QTMAN: variants seen among roughly 807,000 people sequenced by gnomAD.
The protein encoded by QTMAN is tRNA-queuosine alpha-mannosyltransferase.
At chr2:144,165,826 C>G in the QTMAN span, among the ~76,000 whole-genome samples, 1 of 152,176 alleles carries the variant, frequency 6.6e-6, no homozygotes, top group African/African-American at 2.4e-5. Context: ...TTAATGAATC[C>G]TGTGCACTTT....
chr2:144,194,756 A>C, the QTMAN span, among the ~76,000 whole-genome samples: 1 of 152,236 alleles, frequency 6.6e-6, no homozygotes, highest in Non-Finnish European at 1.5e-5. Flanking sequence ...AGAAATGTAG[A>C]TAAATGTTGA....
At chr2:144,044,274 T>C in the QTMAN span, among the ~76,000 whole-genome samples, 1 of 152,226 alleles carries the variant, frequency 6.6e-6, no homozygotes, top group Admixed American at 6.5e-5. Context: ...ACATAAGATA[T>C]GTGATTTTGC....
chr2:144,022,566 T>C, the QTMAN span, among the ~76,000 whole-genome samples: 9 of 142,820 alleles, frequency 6.3e-5, no homozygotes, highest in East Asian at 1.8e-3. Context: ...CTCTCTTTTT[T>C]TTTTTTTTTT....
At chr2:144,096,091 T>C in the QTMAN span, among the ~76,000 whole-genome samples, 2 of 152,238 alleles carry the variant, frequency 1.3e-5, no homozygotes, top group Admixed American at 6.5e-5. Flanking sequence ...TCCATTATTA[T>C]AGATGTTTGT....
At chr2:144,087,152 C>G in the QTMAN span, among the ~76,000 whole-genome samples, 1 of 151,908 alleles carries the variant, frequency 6.6e-6, no homozygotes, top group Admixed American at 6.6e-5. Flanking sequence ...TCATTATAAC[C>G]TCAAATGCAA....
chr2:144,275,930 C>T, the QTMAN span, among the ~76,000 whole-genome samples: 1 of 152,168 alleles, frequency 6.6e-6, no homozygotes, highest in Non-Finnish European at 1.5e-5. Context: ...CTAACTATAA[C>T]AGGGATTCTC....
the QTMAN span, among the ~76,000 whole-genome samples, chr2:144,044,857 T>G: frequency 6.6e-6 from 1 of 152,186 alleles, no homozygotes; most frequent in African/African-American, 2.4e-5. Context: ...TGTGGAAGTA[T>G]GTGGTGGTTG....
the QTMAN span, among the ~76,000 whole-genome samples, chr2:144,058,191 C>T: frequency 5.2e-5 from 7 of 134,748 alleles, no homozygotes; most frequent in Non-Finnish European, 9.2e-5. Context: ...TGGAGATGTG[C>T]TTTCTCTCTT....
chr2:144,136,119 A>G, the QTMAN span, among the ~76,000 whole-genome samples: 1 of 151,982 alleles, frequency 6.6e-6, no homozygotes, highest in Admixed American at 6.6e-5. Context: ...TGAGCCCAGG[A>G]GTTGGAAACC....
the QTMAN span, among the ~76,000 whole-genome samples, chr2:144,022,978 T>C: frequency 6.6e-6 from 1 of 152,122 alleles, no homozygotes; most frequent in Admixed American, 6.5e-5. Context: ...TATGGTCTAT[T>C]TTTTATTTCT....
chr2:144,256,197 A>G, the QTMAN span, among the ~76,000 whole-genome samples: 1 of 152,212 alleles, frequency 6.6e-6, no homozygotes, highest in African/African-American at 2.4e-5. Context: ...CTCCAAGAGA[A>G]GCTGATCATA....
At chr2:144,106,388 T>G in the QTMAN span, among the ~76,000 whole-genome samples, 1 of 151,698 alleles carries the variant, frequency 6.6e-6, no homozygotes, top group Non-Finnish European at 1.5e-5. Flanking sequence ...ACACATAGGC[T>G]CAAAATAAAG....
chr2:144,309,444 GA>G, the QTMAN span, among the ~76,000 whole-genome samples: 1 of 152,208 alleles, frequency 6.6e-6, no homozygotes, highest in Non-Finnish European at 1.5e-5. Flanking sequence ...TTACTGAAAG[GA>G]ACAAACTAAT....
chr2:144,163,538 T>C, the QTMAN span, among the ~76,000 whole-genome samples: 8 of 152,202 alleles, frequency 5.3e-5, no homozygotes, highest in Non-Finnish European at 8.8e-5. Context: ...TTTCTTTTTA[T>C]AAAAATCCCT....
the QTMAN span, among the ~76,000 whole-genome samples, chr2:143,952,617 C>CGG: frequency 6.6e-6 from 1 of 151,676 alleles, no homozygotes; most frequent in African/African-American, 2.4e-5. Flanking sequence ...TAAGCTTACT[C>CGG]TAATGTATTA....
the QTMAN span, among the ~76,000 whole-genome samples, chr2:144,083,797 A>C: frequency 4.2e-5 from 6 of 143,006 alleles, no homozygotes; most frequent in Non-Finnish European, 7.4e-5. Context: ...CGCCTCACCC[A>C]GCCCGAAGTT....
chr2:143,980,285 T>C, the QTMAN span, among the ~76,000 whole-genome samples: 3 of 152,142 alleles, frequency 2.0e-5, no homozygotes, highest in Admixed American at 2.0e-4. Flanking sequence ...ACATGCAATG[T>C]CTGGTTTTCT....
chr2:144,096,492 C>T, the QTMAN span, among the ~76,000 whole-genome samples: 1 of 152,204 alleles, frequency 6.6e-6, no homozygotes, highest in South Asian at 2.1e-4. Context: ...CCATTACTTT[C>T]ATCCCTCTCA....
At chr2:144,323,368 A>G in the QTMAN span, among the ~76,000 whole-genome samples, 5 of 152,224 alleles carry the variant, frequency 3.3e-5, no homozygotes, top group African/African-American at 1.2e-4. Flanking sequence ...TTCTTCAAGG[A>G]CATTCTTAAG....
Sources: gnomAD v4.1 joint callset for allele counts (sites outside exome capture counted in the v4.1 genomes callset) on GRCh38, gnomAD v4.1.1 for gene constraint, MANE v1.5 for transcripts, NCBI Gene and HGNC (gene_info 2026-07-23, HGNC 2026-07-21) for gene names.